EEIG1: variants seen among roughly 807,000 people sequenced by gnomAD.
EEIG1 encodes the protein estrogen-induced osteoclastogenesis regulator 1, also known as early estrogen-induced gene 1 protein.
chr9:127,953,430 T>C, the EEIG1 span: 2 of 708,036 alleles, frequency 2.8e-6, no homozygotes, highest in South Asian at 3.5e-5. Context: ...AGACCATCAA[T>C]AAAGATATTT....
chr9:127,944,597 T>C, the EEIG1 span: 1 of 1,283,350 alleles, frequency 7.8e-7, no homozygotes, highest in Non-Finnish European at 1.1e-6. Flanking sequence ...CGACGACCCC[T>C]CCCTAAGCCT....
chr9:127,945,681 G>A, the EEIG1 span: 3 of 1,595,166 alleles, frequency 1.9e-6, no homozygotes, highest in Non-Finnish European at 2.6e-6. This position sits in a 1 kb window ranked among gnomAD's most constrained non-coding sequence, Gnocchi z 6.5. Context: ...GGCATAGCTG[G>A]AGTTGCGGGA....
chr9:127,972,909 G>A, the EEIG1 span, among the ~76,000 whole-genome samples: 1 of 152,168 alleles, frequency 6.6e-6, no homozygotes, highest in Non-Finnish European at 1.5e-5. This position sits in a 1 kb window ranked among gnomAD's most constrained non-coding sequence, Gnocchi z 4.3. Context: ...GGGCCTTACT[G>A]AGCCACGGAC....
At chr9:127,945,182 G>C in the EEIG1 span, among the ~76,000 whole-genome samples, 2 of 152,186 alleles carry the variant, frequency 1.3e-5, no homozygotes, top group South Asian at 4.1e-4. The surrounding 1 kb of genome is among the most constrained non-coding windows in gnomAD (Gnocchi z 6.5). Flanking sequence ...GAGCAGCCAT[G>C]AACAGAACCT....
chr9:127,973,880 C>T, the EEIG1 span, among the ~76,000 whole-genome samples: 16 of 152,150 alleles, frequency 1.1e-4, no homozygotes, highest in Non-Finnish European at 2.2e-4. This position sits in a 1 kb window ranked among gnomAD's most constrained non-coding sequence, Gnocchi z 4.2. Context: ...AGGCATGCTG[C>T]GGGGTCAGGG....
the EEIG1 span, chr9:127,944,841 A>C: frequency 6.2e-7 from 1 of 1,612,648 alleles, no homozygotes; most frequent in Non-Finnish European, 8.5e-7. Context: ...TGGCATCCGC[A>C]TCGATCCGCG....
At chr9:127,959,983 G>A in the EEIG1 span, among the ~76,000 whole-genome samples, 2 of 152,318 alleles carry the variant, frequency 1.3e-5, no homozygotes, top group South Asian at 2.1e-4. Flanking sequence ...CCACTTAACT[G>A]TACACTTTAA....
the EEIG1 span, among the ~76,000 whole-genome samples, chr9:127,973,703 C>T: frequency 7.2e-5 from 11 of 152,344 alleles, no homozygotes; most frequent in African/African-American, 1.9e-4. This position sits in a 1 kb window ranked among gnomAD's most constrained non-coding sequence, Gnocchi z 4.2. Flanking sequence ...ACCACAGCCT[C>T]GCTGCCCGGG....
chr9:127,950,691 G>C, the EEIG1 span: 1 of 1,417,364 alleles, frequency 7.1e-7, no homozygotes, highest in Non-Finnish European at 9.2e-7. Context: ...TGCATAACTG[G>C]GACCCAAGGA....
chr9:127,971,528 C>T, the EEIG1 span, among the ~76,000 whole-genome samples: 1 of 115,308 alleles, frequency 8.7e-6, no homozygotes, highest in Non-Finnish European at 1.6e-5. Context: ...CACCTCGGGC[C>T]TGAAGAGGGA....
the EEIG1 span, chr9:127,953,979 C>CT: frequency 6.2e-7 from 1 of 1,605,444 alleles, no homozygotes; most frequent in Non-Finnish European, 8.5e-7. Context: ...CGCCAGGGGA[C>CT]TCCATGTGGT....
At chr9:127,972,922 C>T in the EEIG1 span, among the ~76,000 whole-genome samples, 4,489 of 152,290 alleles carry the variant, frequency 0.029, 97 homozygotes, top group South Asian at 0.07. This position sits in a 1 kb window ranked among gnomAD's most constrained non-coding sequence, Gnocchi z 4.3. Flanking sequence ...CCACGGACAG[C>T]AGTCTGACCT....
the EEIG1 span, among the ~76,000 whole-genome samples, chr9:127,969,859 C>A: frequency 1.3e-5 from 2 of 152,106 alleles, no homozygotes; most frequent in African/African-American, 4.8e-5. Context: ...CAAAAAGGTG[C>A]CTCATTTTTG....
At chr9:127,953,856 G>C in the EEIG1 span, 1 of 1,614,012 alleles carries the variant, frequency 6.2e-7, no homozygotes, top group Non-Finnish European at 8.5e-7. Flanking sequence ...CGGTGGCCGG[G>C]TTAGCACTCA....
the EEIG1 span, among the ~76,000 whole-genome samples, chr9:127,965,790 G>A: frequency 2.0e-5 from 3 of 152,380 alleles, no homozygotes; most frequent in Middle Eastern, 3.4e-3. Context: ...CCTGGGAGGA[G>A]CCTGCCCTGG....
At chr9:127,978,734 C>T in the EEIG1 span, among the ~76,000 whole-genome samples, 2 of 152,114 alleles carry the variant, frequency 1.3e-5, no homozygotes, top group East Asian at 1.9e-4. Context: ...CTACTGAGGA[C>T]GCTGAGGCAG....
the EEIG1 span, chr9:127,940,961 A>T: frequency 1.3e-5 from 2 of 152,242 alleles, no homozygotes; most frequent in African/African-American, 4.8e-5. Context: ...GACATTGCAT[A>T]GACCAACTCC....
the EEIG1 span, chr9:127,945,038 C>T: frequency 9.6e-7 from 1 of 1,036,734 alleles, no homozygotes; most frequent in Non-Finnish European, 1.4e-6. This position sits in a 1 kb window ranked among gnomAD's most constrained non-coding sequence, Gnocchi z 6.5. Flanking sequence ...TCACTGAAAC[C>T]TCACATGCAC....
At chr9:127,959,966 C>T in the EEIG1 span, among the ~76,000 whole-genome samples, 1 of 152,290 alleles carries the variant, frequency 6.6e-6, no homozygotes, top group East Asian at 1.9e-4. Context: ...TGTGAATATA[C>T]TAAAAACCAC....
Sources: gnomAD v4.1 joint callset for allele counts (sites outside exome capture counted in the v4.1 genomes callset) on GRCh38, gnomAD v4.1.1 for gene constraint, Gnocchi (gnomAD v3.1) non-coding constraint, MANE v1.5 for transcripts, NCBI Gene and HGNC (gene_info 2026-07-23, HGNC 2026-07-21) for gene names.